Variants in ATP11A observed in about 807,000 individuals in gnomAD.
The protein encoded by ATP11A is phospholipid-transporting ATPase IH.
In ATP11A, 81 loss-of-function variants were observed where a neutral mutation model predicts 154.4. The ratio of observed to expected loss-of-function variants is 0.52; its 90% CI spans 0.44 to 0.63. The LOEUF (loss-of-function observed/expected upper bound fraction) is 0.63, where lower values mean the gene tolerates loss of function less well. Among genes scored for constraint, ATP11A ranks in the 30% least tolerant of loss-of-function variants. The pLI, the probability that ATP11A is intolerant of heterozygous loss-of-function variation, is 0.00. For synonymous variants in ATP11A, 623 were observed against 585.9 expected, an observed-to-expected ratio of 1.06 and a Z score of -0.91; for missense variants, 1,316 against 1,474.3, an observed-to-expected ratio of 0.89 and a Z score of 1.76.
At chr13:112,756,629 G>A (rs976381745) in intron 1 of ATP11A, among the ~76,000 whole-genome samples, 4 of 152,252 alleles carry the variant, frequency 2.6e-5, no homozygotes, top group African/African-American at 9.6e-5. Context: ...GAGCTCAGGT[G>A]GGCCTCACCT....
At chr13:112,765,954 G>A (rs1323809537) in intron 1 of ATP11A, among the ~76,000 whole-genome samples, 1 of 152,244 alleles carries the variant, frequency 6.6e-6, no homozygotes, top group Admixed American at 6.5e-5. Context: ...GCCGGTGTCC[G>A]GCGTTGATCC....
At chr13:112,868,403 C>T (rs945972) in intron 25 of ATP11A, among the ~76,000 whole-genome samples, 60,670 of 152,062 alleles carry the variant, frequency 0.4, 12,303 homozygotes, top group East Asian at 0.46. Flanking sequence ...ATAGGAATAC[C>T]CATTCTCAAA....
In ATP11A at chr13:112,832,960, G is replaced by A; in HGVS notation, c.1496G>A (p.Gly499Glu). Residue 499 changes from glycine (G) to glutamate (E), a missense_variant, in exon 14 of 30, where the codon GGG becomes GAG. Physicochemically the swap from Gly to Glu is moderately conservative, Grantham distance 98. Around this residue, in one of 5 missense-constraint regions of ATP11A, gnomAD observed 876 missense variants for 1,006.8 expected, o/e 0.87. Coordinates refer to ENST00000375645, the MANE Select transcript of ATP11A (RefSeq NM_015205.3). ...VDGPRKSPDG[G>E]KSCVYISSSP... ...GGCCCCAGGAAATCGCCGGACGGGG[G>A]GAAATCCTGTGTGTACATCTCATCC... The A allele has an allele frequency of 6.2e-7, 1 of 1,613,916 alleles. No homozygotes were observed. Among genetic ancestry groups the A allele is most frequent in the Non-Finnish European group, 8.5e-7 (1 of 1,179,918 alleles).
intron 5 of ATP11A, among the ~76,000 whole-genome samples, chr13:112,812,686 C>G (rs1015721310): frequency 1.8e-4 from 28 of 152,248 alleles, no homozygotes; most frequent in Non-Finnish European, 2.9e-5. Flanking sequence ...ACACACGTCA[C>G]CAAATGTACT....
chr13:112,705,022 G>C (rs99126), intron 1 of ATP11A, among the ~76,000 whole-genome samples: 127,888 of 152,192 alleles, frequency 0.84, 54,059 homozygotes, highest in East Asian at 0.96. Flanking sequence ...GTGGAATAAC[G>C]GGCATCTCCT....
chr13:112,874,831 C>T (rs1010773412), intron 27 of ATP11A, among the ~76,000 whole-genome samples: 1 of 152,232 alleles, frequency 6.6e-6, no homozygotes, highest in Admixed American at 6.5e-5. Context: ...GCCATTCTAA[C>T]AGCCCTGAAG....
At chr13:112,770,685 C>T (rs1199067208) in intron 1 of ATP11A, among the ~76,000 whole-genome samples, 1 of 152,204 alleles carries the variant, frequency 6.6e-6, no homozygotes, top group Non-Finnish European at 1.5e-5. Context: ...GAGCAAGGCC[C>T]GCACGCCCAC....
At chr13:112,691,702 C>T (rs1039136101) in intron 1 of ATP11A, among the ~76,000 whole-genome samples, 2 of 152,038 alleles carry the variant, frequency 1.3e-5, no homozygotes, top group Non-Finnish European at 2.9e-5. Context: ...CCTCAGGCAG[C>T]CTTTCATATT....
chr13:112,840,294 G>T (rs112136079), intron 16 of ATP11A, among the ~76,000 whole-genome samples: 1 of 89,646 alleles, frequency 1.1e-5, no homozygotes, highest in Non-Finnish European at 2.2e-5. Context: ...CCACTCTCCC[G>T]TGCCCTCCAG....
intron 11 of ATP11A, among the ~76,000 whole-genome samples, chr13:112,826,416 G>T (rs2078935224): frequency 6.6e-6 from 1 of 152,202 alleles, no homozygotes; most frequent in South Asian, 2.1e-4. Flanking sequence ...CGTGTCTCCT[G>T]TCATCGGCAC....
At chr13:112,758,108 C>A (rs917228709) in intron 1 of ATP11A, among the ~76,000 whole-genome samples, 2 of 152,250 alleles carry the variant, frequency 1.3e-5, no homozygotes, top group African/African-American at 4.8e-5. Context: ...TGTTGCCAGG[C>A]TGGAGTGCAG....
chr13:112,770,109 T>G (rs2077192033), intron 1 of ATP11A, among the ~76,000 whole-genome samples: 1 of 152,218 alleles, frequency 6.6e-6, no homozygotes, highest in African/African-American at 2.4e-5. Flanking sequence ...TCTCGACTCT[T>G]AGGAAGCTCT....
At chr13:112,867,340 T>C (rs961272481) in intron 25 of ATP11A, among the ~76,000 whole-genome samples, 1 of 152,202 alleles carries the variant, frequency 6.6e-6, no homozygotes, top group Non-Finnish European at 1.5e-5. Flanking sequence ...GACTTCATGG[T>C]GTTGCCCAGT....
At chr13:112,843,064 C>T (rs1425552900) in intron 17 of ATP11A, among the ~76,000 whole-genome samples, 1 of 152,156 alleles carries the variant, frequency 6.6e-6, no homozygotes, top group East Asian at 1.9e-4. Flanking sequence ...CCGGGTGATG[C>T]GTGGCTGGGT....
intron 29 of ATP11A, chr13:112,878,595 C>T (rs1038759458): frequency 3.2e-5 from 16 of 500,862 alleles, no homozygotes; most frequent in Admixed American, 1.0e-4. Context: ...GGAGAGCTGG[C>T]CACATGACCC....
rs1413665660 is a variant in ATP11A, at chr13:112,822,287, G to C, written c.726-1058G>C. Among the ~76,000 whole-genome samples the C allele has an allele frequency of 3.9e-5, 6 of 152,178 alleles. No homozygotes were observed. The East Asian group carries it at 9.6e-4, about 24-fold the overall frequency. On this transcript the variant is annotated intron_variant, in intron 8 of 29. Coordinates refer to ENST00000375645, the MANE Select transcript of ATP11A (RefSeq NM_015205.3). Reference sequence around the variant, plus strand: ...AAGAGATTATTTTTCCATCAGCAGGGAACCCTGTTATATCAAGAATATAAG... The same window carrying C: ...AAGAGATTATTTTTCCATCAGCAGGCAACCCTGTTATATCAAGAATATAAG...
At chr13:112,743,698 C>T (rs1005635473) in intron 1 of ATP11A, among the ~76,000 whole-genome samples, 2 of 152,176 alleles carry the variant, frequency 1.3e-5, no homozygotes, top group African/African-American at 2.4e-5. Flanking sequence ...CTAGAGTTGA[C>T]GGCTTAGGCA....
At chr13:112,862,985 TGAGTG>T (rs2080165595) in intron 25 of ATP11A, among the ~76,000 whole-genome samples, 3 of 146,928 alleles carry the variant, frequency 2.0e-5, no homozygotes, top group Non-Finnish European at 4.4e-5. Context: ...GCACAGTAAT[TGAGTG>T]CAGCCCATGC....
intron 9 of ATP11A, 26 bp downstream of exon 9, chr13:112,823,435 A>G (rs772523895): frequency 1.3e-6 from 2 of 1,568,342 alleles, no homozygotes; most frequent in Non-Finnish European, 1.8e-6. Context: ...ATTATTAACC[A>G]TTGCCCCTAA....
Sources: allele counts gnomAD v4.1 joint callset (sites outside exome capture counted in the v4.1 genomes callset), GRCh38; gene constraint gnomAD v4.1.1; regional missense constraint gnomAD v4.1.1; transcripts MANE v1.5; gene names NCBI Gene and HGNC (gene_info 2026-07-23, HGNC 2026-07-21).